The following FZD3 variants were observed in gnomAD, a reference collection of about 807,000 sequenced individuals.
FZD3 encodes frizzled class receptor 3.
Under a neutral mutation model 60.7 loss-of-function variants are expected in FZD3, and 30 were observed. That is an observed-to-expected ratio of 0.49 (90% CI 0.37 to 0.67). The LOEUF (loss-of-function observed/expected upper bound fraction) is 0.67. Ranked by LOEUF, FZD3 falls within the 30% of genes least tolerant of loss-of-function variation. The pLI, the probability that FZD3 is intolerant of heterozygous loss-of-function variation, is 0.00. For synonymous variants in FZD3, 246 were observed against 275.2 expected (o/e 0.89, Z 1.05); for missense variants, 605 against 838.7 (o/e 0.72, Z 3.44).
rs779922241 is a variant in FZD3 at position 28,526,470 on chromosome 8, T to G, written c.387-677T>G. ...TATCATTTTTGTACCTTATATAGAT[T>G]TTAATTGCTAGCAGAGTGTCACACT... On this transcript the variant is annotated intron_variant, in intron 4 of 7. Transcript: ENST00000240093. Among the ~76,000 whole-genome samples the G allele has an allele frequency of 9.2e-5, 14 of 152,282 alleles. 1 individual carries two copies. Among genetic ancestry groups the G allele is most frequent in the Middle Eastern group, 3.4e-3 (1 of 294 alleles).
rs2130497154 is a variant in FZD3 at position 28,573,337 on chromosome 8, T to C, written c.*10326T>C. The C allele has an allele frequency of 6.6e-6, 1 of 152,200 alleles. No individual in the cohort carries two copies. The highest frequency in any genetic ancestry group is 1.9e-4 in the East Asian group (1 of 5,190). The allele number at this position is 152,200 out of a possible 1,614,324, so 9.4% of individuals were successfully genotyped here. Reference sequence around the variant, plus strand: ...ACATTGCTGTTAGCTCAAATTAATGTCAGTGAGTAGAATCTTAAGCTTTAA... The same window carrying C: ...ACATTGCTGTTAGCTCAAATTAATGCCAGTGAGTAGAATCTTAAGCTTTAA... On this transcript the variant is annotated 3_prime_UTR_variant, in exon 8 of 8. Coordinates refer to ENST00000240093, the MANE Select transcript of FZD3 (RefSeq NM_017412.4).
chr8:28,545,099 C>T (rs1805263779), intron 5 of FZD3, among the ~76,000 whole-genome samples: 1 of 152,158 alleles, frequency 6.6e-6, no homozygotes, highest in Non-Finnish European at 1.5e-5. Flanking sequence ...CAATATTCCC[C>T]CACTGAGGTT....
intron 5 of FZD3, among the ~76,000 whole-genome samples, chr8:28,546,484 A>G (rs1161311078): frequency 6.6e-6 from 1 of 152,194 alleles, no homozygotes; most frequent in African/African-American, 2.4e-5. Flanking sequence ...TGGATGTACC[A>G]TAATTTATTT....
At chr8:28,504,697 T>G (rs1804090274) in intron 3 of FZD3, among the ~76,000 whole-genome samples, 1 of 152,232 alleles carries the variant, frequency 6.6e-6, no homozygotes, top group African/African-American at 2.4e-5. Context: ...GCTAGCACAA[T>G]GCATCATACG....
chr8:28,547,025 T>C (rs551668629), intron 5 of FZD3, among the ~76,000 whole-genome samples: 8 of 152,198 alleles, frequency 5.3e-5, no homozygotes, highest in Admixed American at 3.3e-4. Flanking sequence ...CGAAAGTATA[T>C]GGGAAAAGTC....
In FZD3 at chr8:28,555,768, G is replaced by T; in HGVS notation, c.1584G>T (p.Gln528His). Residue 528 changes from glutamine (Q) to histidine (H), a missense_variant, in exon 7 of 8, where the codon CAG becomes CAT. Coordinates refer to ENST00000240093, the MANE Select transcript of FZD3 (RefSeq NM_017412.4). ...TGAATGAGAGCCGACAGGTACTCCA[G>T]GAACCTGATTTTGCTCAGTCTCTCC... Reference protein sequence around the residue: ...EIVNESRQVLQEPDFAQSLLR... With the variant: ...EIVNESRQVLHEPDFAQSLLR... The T allele has an allele frequency of 6.2e-7, 1 of 1,612,434 alleles. No homozygotes were observed. The highest frequency in any genetic ancestry group is 1.1e-5 in the South Asian group (1 of 91,048).
At chr8:28,555,487 A>G (rs962935785) in intron 6 of FZD3, among the ~76,000 whole-genome samples, 2 of 152,208 alleles carry the variant, frequency 1.3e-5, no homozygotes, top group Admixed American at 1.3e-4. Flanking sequence ...TTATTGATAA[A>G]GTTGGAACTA....
chr8:28,521,270 A>G (rs1804572301), intron 4 of FZD3, among the ~76,000 whole-genome samples: 1 of 152,178 alleles, frequency 6.6e-6, no homozygotes, highest in African/African-American at 2.4e-5. Context: ...TACCAAATCC[A>G]GAAAATGTCA....
At chr8:28,504,502 A>G (rs970284830) in intron 3 of FZD3, among the ~76,000 whole-genome samples, 1 of 152,220 alleles carries the variant, frequency 6.6e-6, no homozygotes, top group Non-Finnish European at 1.5e-5. Context: ...ATAGGTTAAT[A>G]AGAAGCAGGT....
chr8:28,551,936 A>G (rs990480180), intron 6 of FZD3, among the ~76,000 whole-genome samples, 185 bp downstream of exon 6: 3 of 152,214 alleles, frequency 2.0e-5, no homozygotes, highest in African/African-American at 7.2e-5. Context: ...TTATTTTGAG[A>G]AGATGGCCAA....
At position 28,546,790 on chromosome 8, in the gene FZD3, A is replaced by G. The variant is rs186814314; in HGVS notation, c.1405-4813A>G. Among the ~76,000 whole-genome samples the G allele has an allele frequency of 5.3e-5, 8 of 152,222 alleles. No individual in the cohort carries two copies. In the East Asian group the frequency reaches 1.5e-3, roughly 29 times the overall value. ...GGAGATCGAGACCATCCTGGCTAAC[A>G]CAGTGAAACCCCGTCTCTACTAAAA... On this transcript the variant is annotated intron_variant, in intron 5 of 7. Transcript: ENST00000240093.
Position 28,497,515 on chromosome 8 carries a change from C to T in FZD3, c.-390-2418C>T, listed in dbSNP as rs114011519. Among the ~76,000 whole-genome samples the T allele has an allele frequency of 3.4e-3, 520 of 152,226 alleles. 3 individuals are homozygous for T. The highest frequency in any genetic ancestry group is 0.012 in the African/African-American group (501 of 41,534). On this transcript the variant is annotated intron_variant, in intron 1 of 7. Transcript: ENST00000240093. The stretch of plus-strand genomic sequence containing the variant: ...AATCCTTGCAATGCGTTCTTGAAAA[C>T]GTGTCTGAAAAAAGACAAAGAATAT...
chr8:28,501,909 A>G (rs1436795982), intron 2 of FZD3, among the ~76,000 whole-genome samples: 2 of 152,232 alleles, frequency 1.3e-5, no homozygotes, highest in African/African-American at 4.8e-5. Flanking sequence ...ATAATATAAT[A>G]TTGTGAAGAT....
chr8:28,511,181 A>G lies in FZD3; in HGVS notation c.189+7979A>G, dbSNP rs79717790. On this transcript the variant is annotated intron_variant, in intron 3 of 7. Coordinates refer to ENST00000240093, the MANE Select transcript of FZD3 (RefSeq NM_017412.4). The stretch of plus-strand genomic sequence containing the variant: ...AGCCTGACCAACATGGGAAAACCCC[A>G]TCTCTACTAAAAATACAAAAGTTGG... Among the ~76,000 whole-genome samples the G allele has an allele frequency of 4.7e-3, 720 of 152,072 alleles. 26 individuals carry two copies. The East Asian group carries it at 0.092, about 19-fold the overall frequency.
rs1805650846 is a variant in FZD3, at chr8:28,563,353, A to G, written c.*342A>G. 1 of 227,624 alleles carries G rather than the reference A, an allele frequency of 4.4e-6. No homozygotes were observed. The highest frequency in any genetic ancestry group is 1.1e-4 in the East Asian group (1 of 9,406). The allele number at this position is 227,624 out of a possible 1,614,324, so 14.1% of individuals were successfully genotyped here. On this transcript the variant is annotated 3_prime_UTR_variant, in exon 8 of 8. Transcript: ENST00000240093. Reference sequence around the variant, plus strand: ...GCTTTGTAGTGAACTTTCATATACTATAAACTAGTTGTGAGATAACATTCT... The same window carrying G: ...GCTTTGTAGTGAACTTTCATATACTGTAAACTAGTTGTGAGATAACATTCT...
intron 3 of FZD3, among the ~76,000 whole-genome samples, chr8:28,520,216 A>AACG (rs1804539742): frequency 1.5e-5 from 2 of 131,466 alleles, no homozygotes; most frequent in Non-Finnish European, 1.6e-5. Flanking sequence ...TCTCAAAAAA[A>AACG]ACAACAAAAA....
intron 3 of FZD3, among the ~76,000 whole-genome samples, chr8:28,508,578 G>A (rs897824615): frequency 1.3e-5 from 2 of 152,000 alleles, no homozygotes; most frequent in African/African-American, 4.8e-5. Flanking sequence ...ACAGCTCACT[G>A]CAGTCCTAAT....
Position 28,569,264 on chromosome 8 carries a change from A to G in FZD3, c.*6253A>G, listed in dbSNP as rs772575829. ...TTAAACAAAAAAATCTATTTTCTAA[A>G]TTGGCAGGATTTTTTTAATGATTAG... is the stretch of plus-strand genomic sequence containing the variant. On this transcript the variant is annotated 3_prime_UTR_variant, in exon 8 of 8. Coordinates refer to ENST00000240093, the MANE Select transcript of FZD3 (RefSeq NM_017412.4). 6.6e-6 allele frequency: 1 copy of G among 151,540 alleles called. No individual in the cohort carries two copies. Among genetic ancestry groups the G allele is most frequent in the Non-Finnish European group, 1.5e-5 (1 of 67,890 alleles). 9.4% of individuals were successfully genotyped at this position (151,540 alleles called of 1,614,324 possible).
At chr8:28,510,546 A>G (rs753621227) in intron 3 of FZD3, among the ~76,000 whole-genome samples, 84 of 152,232 alleles carry the variant, frequency 5.5e-4, no homozygotes, top group Non-Finnish European at 9.7e-4. Context: ...TACTTTACAG[A>G]GACAGAAACA....
Sources: allele counts gnomAD v4.1 joint callset (sites outside exome capture counted in the v4.1 genomes callset), GRCh38; gene constraint gnomAD v4.1.1; transcripts MANE v1.5; gene names NCBI Gene and HGNC (gene_info 2026-07-23, HGNC 2026-07-21).